Variants in NPFFR2 observed in about 807,000 individuals in gnomAD.
The protein encoded by NPFFR2 is G-protein coupled receptor 74.
NPFFR2 carries 15 observed loss-of-function variants against 13.1 expected under a neutral mutation model. The observed-to-expected ratio is 1.15, with a 90% CI of 0.77 to 1.76. NPFFR2 has a LOEUF of 1.76. NPFFR2 is among the 40% of genes most tolerant of loss of function. NPFFR2 has a pLI of 0.00. For missense variants in NPFFR2, 572 were observed against 503.5 expected (o/e 1.14, Z -1.30); for synonymous variants, 190 against 175.7 (o/e 1.08, Z -0.65).
At chr4:72,108,315 C>CATTA (rs1228323422) in intron 1 of NPFFR2, among the ~76,000 whole-genome samples, 1 of 152,010 alleles carries the variant, frequency 6.6e-6, no homozygotes, top group Non-Finnish European at 1.5e-5. Flanking sequence ...TAGTAAATAT[C>CATTA]ATTAGTCTAC....
chr4:72,078,082 T>C (rs1186934726), intron 1 of NPFFR2, among the ~76,000 whole-genome samples: 1 of 152,060 alleles, frequency 6.6e-6, no homozygotes, highest in Non-Finnish European at 1.5e-5. Context: ...AATCTATAAT[T>C]GGTGTGCTAT....
rs541135021 is a variant in NPFFR2, at chr4:72,115,766, G to A, written c.-7-12819G>A. On this transcript the variant is annotated intron_variant, in intron 1 of 3. Transcript: ENST00000308744. ...CCTTTTGTGTTCTGGTCCTTTAAGA[G>A]CACTCTTCTTTTGTTTTCCAATGTA... 3.3e-4 allele frequency among the ~76,000 whole-genome samples: 50 copies of A among 152,196 alleles called. 1 individual carries two copies. The highest frequency in any genetic ancestry group is 1.1e-3 in the African/African-American group (45 of 41,524).
rs193130993 is a variant in NPFFR2, at chr4:72,133,149, C to G, written c.328+4230C>G. On this transcript the variant is annotated intron_variant, in intron 2 of 3. Coordinates refer to ENST00000308744, the MANE Select transcript of NPFFR2 (RefSeq NM_004885.3). ...ATAGTTTTGGGTTTTACCTTTAAGTCCTTAATCCATCTTGAGTTAAATTTT... is the reference window on the plus strand; with the variant it reads ...ATAGTTTTGGGTTTTACCTTTAAGTGCTTAATCCATCTTGAGTTAAATTTT... Among the ~76,000 whole-genome samples, 96 of 152,214 alleles carry G rather than the reference C, an allele frequency of 6.3e-4. 1 individual carries two copies. Among genetic ancestry groups the G allele is most frequent in the African/African-American group, 2.2e-3 (92 of 41,544 alleles).
chr4:72,058,285 T>A (rs4414923), intron 1 of NPFFR2, among the ~76,000 whole-genome samples: 132,666 of 151,960 alleles, frequency 0.87, 59,426 homozygotes, highest in Non-Finnish European at 0.98. Flanking sequence ...GAAAGAAAAT[T>A]TAGTAAATAT....
At chr4:72,108,255 G>A (rs1721471836) in intron 1 of NPFFR2, among the ~76,000 whole-genome samples, 1 of 151,958 alleles carries the variant, frequency 6.6e-6, no homozygotes, top group Admixed American at 6.6e-5. Flanking sequence ...TTATTTATAA[G>A]CAATACTTAG....
At chr4:72,104,512 G>T (rs76150541) in intron 1 of NPFFR2, among the ~76,000 whole-genome samples, 1 of 151,868 alleles carries the variant, frequency 6.6e-6, no homozygotes. Context: ...TAAATACCCC[G>T]TGCCTAATTT....
At chr4:72,097,725 C>T (rs1721110489) in intron 1 of NPFFR2, among the ~76,000 whole-genome samples, 1 of 152,090 alleles carries the variant, frequency 6.6e-6, no homozygotes, top group Non-Finnish European at 1.5e-5. Flanking sequence ...CTGAAAGAGA[C>T]CACCATACTT....
At chr4:72,106,685 C>G (rs537576135) in intron 1 of NPFFR2, among the ~76,000 whole-genome samples, 135 of 152,070 alleles carry the variant, frequency 8.9e-4, no homozygotes, top group African/African-American at 3.2e-3. Flanking sequence ...CTGAGAATGA[C>G]AAGCTGGAGA....
chr4:72,105,216 ATG>A (rs936080005), intron 1 of NPFFR2, among the ~76,000 whole-genome samples: 13 of 151,852 alleles, frequency 8.6e-5, no homozygotes, highest in East Asian at 5.8e-4. Context: ...AATTTACAAT[ATG>A]TAGAGAGAGT....
At chr4:72,039,277 C>A in intron 1 of NPFFR2, 1 of 229,396 alleles carries the variant, frequency 4.4e-6, no homozygotes, top group Non-Finnish European at 7.2e-6. Context: ...GCCAGATGGT[C>A]TCCATCTCCC....
At chr4:72,113,062 C>T (rs895380496) in intron 1 of NPFFR2, among the ~76,000 whole-genome samples, 1 of 152,004 alleles carries the variant, frequency 6.6e-6, no homozygotes, top group African/African-American at 2.4e-5. Flanking sequence ...AAAATTTACA[C>T]AGAATATCCT....
intron 1 of NPFFR2, among the ~76,000 whole-genome samples, chr4:72,109,125 A>G (rs1005157351): frequency 2.0e-5 from 3 of 152,054 alleles, no homozygotes; most frequent in Admixed American, 6.6e-5. Flanking sequence ...TAGATTACAG[A>G]TTACTAAGAA....
chr4:72,144,910 T>G (rs1466159261), intron 3 of NPFFR2, among the ~76,000 whole-genome samples: 1 of 152,198 alleles, frequency 6.6e-6, no homozygotes, highest in African/African-American at 2.4e-5. Flanking sequence ...GATTGTTTTC[T>G]AACTGGCCTT....
At chr4:72,134,594 A>G (rs1722350966) in intron 2 of NPFFR2, among the ~76,000 whole-genome samples, 1 of 152,154 alleles carries the variant, frequency 6.6e-6, no homozygotes, top group Non-Finnish European at 1.5e-5. Context: ...GTGCTGTATC[A>G]ATTTCTCTCT....
At chr4:72,052,570 C>G (rs1390258564) in intron 1 of NPFFR2, among the ~76,000 whole-genome samples, 2 of 152,074 alleles carry the variant, frequency 1.3e-5, no homozygotes, top group African/African-American at 4.8e-5. Flanking sequence ...GAAGCATTCC[C>G]TTTGAAAACT....
chr4:72,037,799 C>G (rs1719082708), intron 1 of NPFFR2, among the ~76,000 whole-genome samples: 1 of 152,152 alleles, frequency 6.6e-6, no homozygotes, highest in African/African-American at 2.4e-5. Context: ...CTTTTTTCAG[C>G]TGGAAAAACT....
intron 1 of NPFFR2, among the ~76,000 whole-genome samples, chr4:72,109,954 G>A (rs1429137199): frequency 1.3e-5 from 2 of 151,894 alleles, no homozygotes; most frequent in African/African-American, 2.4e-5. Context: ...GGAGCAATTC[G>A]CAAGACACAG....
chr4:72,107,389 C>T (rs1445677820), intron 1 of NPFFR2, among the ~76,000 whole-genome samples: 1 of 151,174 alleles, frequency 6.6e-6, no homozygotes, highest in Admixed American at 6.6e-5. Flanking sequence ...GCCCAATTCC[C>T]GGCTGTGTTG....
intron 1 of NPFFR2, among the ~76,000 whole-genome samples, chr4:72,124,993 A>G (rs935794295): frequency 6.6e-5 from 10 of 152,236 alleles, no homozygotes; most frequent in African/African-American, 2.2e-4. Context: ...GCAACCTACA[A>G]AATGGGAGAA....
Sources: gnomAD v4.1 joint callset for allele counts (sites outside exome capture counted in the v4.1 genomes callset) on GRCh38, gnomAD v4.1.1 for gene constraint, MANE v1.5 for transcripts, NCBI Gene and HGNC (gene_info 2026-07-23, HGNC 2026-07-21) for gene names.